Variants in NUMB observed in about 807,000 individuals in gnomAD.
The protein encoded by NUMB is NUMB endocytic adaptor protein, also known as protein numb homolog.
NUMB carries 29 observed loss-of-function variants against 59.7 expected under a neutral mutation model. The observed-to-expected ratio is 0.49, with a 90% confidence interval of 0.36 to 0.66. NUMB has a LOEUF of 0.66. NUMB is among the 30% of genes least tolerant of loss of function. The probability of loss-of-function intolerance (pLI) is 0.00; values close to 1 mark genes in which losing one functional copy is unlikely to be tolerated. For missense variants in NUMB, 723 were observed against 822.0 expected (o/e 0.88, Z 1.47); for synonymous variants, 288 against 288.2 (o/e 1.00, Z 0.01).
chr14:73,408,935 T>C (rs1294239214), intron 2 of NUMB, among the ~76,000 whole-genome samples: 1 of 152,002 alleles, frequency 6.6e-6, no homozygotes, highest in African/African-American at 2.4e-5. Flanking sequence ...TTTCACTTTA[T>C]TTCTGTTTAG....
intron 3 of NUMB, among the ~76,000 whole-genome samples, chr14:73,358,829 T>C (rs1893950442): frequency 1.3e-5 from 2 of 152,096 alleles, no homozygotes; most frequent in Non-Finnish European, 2.9e-5. Context: ...ATTTGAAGAA[T>C]TGAAAGATAA....
chr14:73,282,240 G>C, intron 11 of NUMB, 119 bp downstream of exon 11: 1 of 859,266 alleles, frequency 1.2e-6, no homozygotes, highest in Non-Finnish European at 1.7e-6. Flanking sequence ...ATCAAATAGA[G>C]AAATTAATGG....
At chr14:73,451,778 C>G (rs1463476446) in intron 1 of NUMB, among the ~76,000 whole-genome samples, 1 of 152,164 alleles carries the variant, frequency 6.6e-6, no homozygotes, top group East Asian at 1.9e-4. Context: ...ATTTCTGTGT[C>G]CCTGGTTGCC....
At chr14:73,312,726 A>T (rs565821141) in intron 6 of NUMB, among the ~76,000 whole-genome samples, 1 of 151,980 alleles carries the variant, frequency 6.6e-6, no homozygotes, top group East Asian at 1.9e-4. Flanking sequence ...AAAAAAAAAA[A>T]AAAAAGCCAT....
intron 1 of NUMB, among the ~76,000 whole-genome samples, chr14:73,446,746 A>C (rs1883540136): frequency 6.6e-6 from 1 of 151,764 alleles, no homozygotes; most frequent in South Asian, 2.1e-4. Context: ...GCATAACAAG[A>C]CCTCATATCT....
chr14:73,384,582 T>C (rs1389192383), intron 2 of NUMB, among the ~76,000 whole-genome samples: 1 of 152,160 alleles, frequency 6.6e-6, no homozygotes, highest in East Asian at 1.9e-4. Flanking sequence ...CTATAATTTT[T>C]TTTGAGACAG....
At chr14:73,310,340 A>G (rs1452614349) in intron 6 of NUMB, among the ~76,000 whole-genome samples, 2 of 152,216 alleles carry the variant, frequency 1.3e-5, no homozygotes, top group Non-Finnish European at 2.9e-5. Context: ...GAAAAGTAGG[A>G]TATTTATTGA....
intron 7 of NUMB, among the ~76,000 whole-genome samples, chr14:73,295,223 G>A (rs1374827334): frequency 6.6e-6 from 1 of 152,064 alleles, no homozygotes; most frequent in Non-Finnish European, 1.5e-5. Flanking sequence ...ATCATGGCAT[G>A]GTGTTATCAC....
intron 2 of NUMB, among the ~76,000 whole-genome samples, chr14:73,391,006 C>T (rs1895826432): frequency 6.6e-6 from 1 of 151,426 alleles, no homozygotes; most frequent in South Asian, 2.1e-4. Context: ...CACTATAGGC[C>T]CTCAATATAA....
chr14:73,453,044 C>T (rs904674271), intron 1 of NUMB, among the ~76,000 whole-genome samples: 3 of 152,184 alleles, frequency 2.0e-5, no homozygotes, highest in Admixed American at 6.5e-5. Flanking sequence ...CCCTTAAGCA[C>T]GTCAGTATTC....
chr14:73,413,159 A>G (rs535652195), intron 1 of NUMB, among the ~76,000 whole-genome samples: 1 of 151,692 alleles, frequency 6.6e-6, no homozygotes, highest in South Asian at 2.1e-4. Flanking sequence ...ATCTCGGCTC[A>G]CTGCAACCTC....
At chr14:73,380,110 C>T (rs554874080) in intron 2 of NUMB, among the ~76,000 whole-genome samples, 1 of 152,138 alleles carries the variant, frequency 6.6e-6, no homozygotes, top group African/African-American at 2.4e-5. Flanking sequence ...CCTGTTTGCG[C>T]CCCCAGCTCC....
chr14:73,337,741 AAAG>A (rs914159140), intron 4 of NUMB, among the ~76,000 whole-genome samples: 94 of 152,390 alleles, frequency 6.2e-4, no homozygotes, highest in Middle Eastern at 3.4e-3. Flanking sequence ...TAGAGAAAAC[AAAG>A]AAGATTCAAA....
At position 73,297,255 on chromosome 14, in the gene NUMB, A is replaced by G; in HGVS notation, c.265T>C (p.Trp89Arg). 14 of 1,611,460 alleles carry G rather than the reference A, an allele frequency of 8.7e-6. No individual in the cohort carries two copies. The highest frequency in any genetic ancestry group is 1.2e-5 in the Non-Finnish European group (14 of 1,177,732). Residue 89 changes from tryptophan (W) to arginine (R), a missense_variant, in exon 7 of 13, where the codon TGG becomes CGG. Transcript: ENST00000555238. The part of the protein sequence containing the change: ...TGKKAVKAVL[W>R]VSADGLRVVD... ...ACTCTGAGTCCATCTGCTGAGACCC[A>G]CAGAACTGCTTTAACTGCTTTCTTT...
At chr14:73,360,916 G>A (rs1481358075) in intron 3 of NUMB, among the ~76,000 whole-genome samples, 2 of 151,744 alleles carry the variant, frequency 1.3e-5, no homozygotes, top group African/African-American at 2.4e-5. Flanking sequence ...TGGAGACAGG[G>A]TATCACTCTG....
At chr14:73,457,142 C>T (rs1884435813) in intron 1 of NUMB, among the ~76,000 whole-genome samples, 1 of 152,122 alleles carries the variant, frequency 6.6e-6, no homozygotes, top group South Asian at 2.1e-4. Flanking sequence ...AGTGGTGGAA[C>T]TAGAACTCAA....
chr14:73,286,868 C>A (rs1425343886), intron 9 of NUMB: 1 of 513,030 alleles, frequency 1.9e-6, no homozygotes, highest in Non-Finnish European at 3.5e-6. Context: ...GATGTCTCTG[C>A]AGCTTCTTCA....
chr14:73,392,124 C>T (rs1895884561), intron 2 of NUMB, among the ~76,000 whole-genome samples: 1 of 152,180 alleles, frequency 6.6e-6, no homozygotes, highest in African/African-American at 2.4e-5. Context: ...GAGGTGCTTG[C>T]AACCATCTTC....
At chr14:73,288,446 G>C (rs1242431560) in intron 8 of NUMB, among the ~76,000 whole-genome samples, 1 of 152,166 alleles carries the variant, frequency 6.6e-6, no homozygotes, top group Non-Finnish European at 1.5e-5. Flanking sequence ...AGCTACTTGA[G>C]AGGCTGAGAC....
Sources: allele counts gnomAD v4.1 joint callset (sites outside exome capture counted in the v4.1 genomes callset), GRCh38; gene constraint gnomAD v4.1.1; transcripts MANE v1.5; gene names NCBI Gene and HGNC (gene_info 2026-07-23, HGNC 2026-07-21).